SSC5D: variants seen among roughly 807,000 people sequenced by gnomAD.
The protein encoded by SSC5D is scavenger receptor cysteine rich family member with 5 domains.
SSC5D carries 106 observed loss-of-function variants against 104.6 expected under a neutral mutation model. That is an observed-to-expected ratio of 1.01 (90% CI 0.87 to 1.19). SSC5D has a LOEUF of 1.19. Among genes scored for constraint, SSC5D ranks in the 50% most tolerant of loss-of-function variants. SSC5D has a pLI of 0.00. For missense variants in SSC5D, 1,993 were observed against 2,153.8 expected, an observed-to-expected ratio of 0.93 and a Z score of 1.48; for synonymous variants, 860 against 883.5, an observed-to-expected ratio of 0.97 and a Z score of 0.47.
At position 55,518,359 on chromosome 19, in the gene SSC5D, T is replaced by A. The variant is rs771017676; in HGVS notation, c.4083T>A (p.Ser1361Arg). 8.4e-6 allele frequency: 13 copies of A among 1,550,562 alleles called. No individual in the cohort carries two copies. The South Asian group carries it at 1.5e-4, about 18-fold the overall frequency. Reference sequence around the variant, plus strand: ...CTCTAGCACCAACAGTCAAGCCCAGTCTGCACCCCCAGTTGACCTTCACAG... The same window carrying A: ...CTCTAGCACCAACAGTCAAGCCCAGACTGCACCCCCAGTTGACCTTCACAG... ...SPTLAPTVKP[S>R]LHPQLTFTAP... The change falls in exon 14 of 14, where the codon AGT (serine) becomes AGA (arginine). Residue 1361 changes from serine (S) to arginine (R), a missense_variant. Transcript: ENST00000389623.
intron 12 of SSC5D, among the ~76,000 whole-genome samples, chr19:55,510,717 T>A (rs1004145549): frequency 6.6e-6 from 1 of 152,038 alleles, no homozygotes; most frequent in African/African-American, 2.4e-5. Context: ...TTTTCTTTTT[T>A]AATTAATAGT....
intron 13 of SSC5D, 90 bp from the exon 14 acceptor site, chr19:55,517,132 CAT>C: frequency 8.3e-7 from 1 of 1,212,074 alleles, no homozygotes; most frequent in Non-Finnish European, 1.1e-6. Flanking sequence ...TGTGCCTTTC[CAT>C]TGGTCGGCTC....
rs1253362972 is a variant in SSC5D at position 55,498,093 on chromosome 19, A to G, written c.1601A>G (p.Asp534Gly). ...GWGAGPIWLD[D>G]VGCVGTEASL... ...GGTGCGGGCCCCATCTGGCTAGATG[A>G]TGTGGGCTGTGTGGGGACCGAGGCT... Residue 534 changes from aspartate (D) to glycine (G), a missense_variant, in exon 9 of 14, where the codon GAT (aspartate) becomes GGT (glycine). This residue lies in a region of SSC5D where 1,101 missense variants were observed against 1,085.0 expected (regional missense o/e 1.01). Coordinates refer to ENST00000389623, the MANE Select transcript of SSC5D (RefSeq NM_001144950.2). The G allele has an allele frequency of 6.4e-7, 1 of 1,551,464 alleles. No individual in the cohort carries two copies. Among genetic ancestry groups the G allele is most frequent in the East Asian group, 2.4e-5 (1 of 40,922 alleles).
intron 6 of SSC5D, chr19:55,492,336 A>G (rs555383779): frequency 6.6e-6 from 1 of 152,318 alleles, no homozygotes; most frequent in South Asian, 2.1e-4. Context: ...AGCAGCAGAG[A>G]AGGCTTGTAT....
In SSC5D at chr19:55,497,881, G is replaced by T; in HGVS notation, c.1389G>T (p.Gly463=). The T allele has an allele frequency of 6.5e-7, 1 of 1,531,072 alleles. No homozygotes were observed. The highest frequency in any genetic ancestry group is 1.2e-5 in the South Asian group (1 of 82,454). The allele number at this position is 1,531,072 out of a possible 1,614,324, so 94.8% of individuals were successfully genotyped here. The stretch of plus-strand genomic sequence containing the variant: ...TTCTTTGGGTCTCTTCTACCCCAGG[G>T]TCCCCCCAGCTGCGCCTGGTGGCTG... ...TVLWEPGPEA[G]SPQLRLVAGP... Residue 463 remains glycine (G), a splice_region_variant and synonymous_variant, in exon 9 of 14, where the codon GGG becomes GGT. Coordinates refer to ENST00000389623, the MANE Select transcript of SSC5D (RefSeq NM_001144950.2).
At position 55,519,040 on chromosome 19, in the gene SSC5D, A is replaced by AAAAAAC. The variant is rs964671457; in HGVS notation, c.*54_*59dup. Reference sequence around the variant, plus strand: ...AGGGGCTTAAGACACCCCCAACCAAAAAAAACAAAAACAAAAAAAACCCCC... The same window carrying AAAAAAC: ...AGGGGCTTAAGACACCCCCAACCAAAAAAAACAAAAACAAAAACAAAAAAAACCCCC... On this transcript the variant is annotated 3_prime_UTR_variant, in exon 14 of 14. Transcript: ENST00000389623. 3 of 1,512,048 alleles carry AAAAAAC rather than the reference A, an allele frequency of 2.0e-6. No homozygotes were observed. Among genetic ancestry groups the AAAAAAC allele is most frequent in the African/African-American group, 1.4e-5 (1 of 70,416 alleles). The allele number at this position is 1,512,048 out of a possible 1,614,324, so 93.7% of individuals were successfully genotyped here.
intron 7 of SSC5D, among the ~76,000 whole-genome samples, chr19:55,494,164 T>C (rs1428288387): frequency 6.6e-6 from 1 of 151,836 alleles, no homozygotes; most frequent in Non-Finnish European, 1.5e-5. Context: ...GGGGTGGGGG[T>C]GCTCCTGGCA....
Position 55,518,312 on chromosome 19 carries a change from G to C in SSC5D, c.4036G>C (p.Gly1346Arg). Residue 1346 changes from glycine (G) to arginine (R), a missense_variant, in exon 14 of 14, where the codon GGG becomes CGG. Physicochemically the swap from Gly to Arg is moderately radical, Grantham distance 125 (BLOSUM62 -2). Coordinates refer to ENST00000389623, the MANE Select transcript of SSC5D (RefSeq NM_001144950.2). ...ITTVSLPTSL[G>R]TELSSPTLAP... ...TACTGTGTCCCTTCCAACCTCCTTG[G>C]GGACAGAACTCTCCTCTCCCACTCT... 1 of 1,530,534 alleles carries C rather than the reference G, an allele frequency of 6.5e-7. No homozygotes were observed. The highest frequency in any genetic ancestry group is 2.1e-5 in the Admixed American group (1 of 48,640). 94.8% of individuals were successfully genotyped at this position (1,530,534 alleles called of 1,614,324 possible).
chr19:55,510,116 GC>G (rs988058947), intron 12 of SSC5D, among the ~76,000 whole-genome samples: 1 of 151,826 alleles, frequency 6.6e-6, no homozygotes, highest in Admixed American at 6.6e-5. Flanking sequence ...TCATGCCTCA[GC>G]CCCCCAGTTA....
rs1001852962 is a variant in SSC5D, at chr19:55,503,319, G to A, written c.2785+2118G>A. ...ACCTGCTTCTCACTCGATTTTTCAC[G>A]GTCGGTTTTGCTATATCACCTCATA... On this transcript the variant is annotated intron_variant, in intron 12 of 13. Coordinates refer to ENST00000389623, the MANE Select transcript of SSC5D (RefSeq NM_001144950.2). The surrounding 1 kb of genome is among the most constrained non-coding windows in gnomAD (Gnocchi z 4.0). Among the ~76,000 whole-genome samples, 5 of 152,022 alleles carry A rather than the reference G, an allele frequency of 3.3e-5. No homozygotes were observed. Among genetic ancestry groups the A allele is most frequent in the Admixed American group, 6.6e-5 (1 of 15,242 alleles).
At chr19:55,510,102 A>T (rs926301257) in intron 12 of SSC5D, among the ~76,000 whole-genome samples, 1 of 151,764 alleles carries the variant, frequency 6.6e-6, no homozygotes, top group Non-Finnish European at 1.5e-5. Flanking sequence ...GGCTCAAGTG[A>T]TTCTCATGCC....
intron 12 of SSC5D, among the ~76,000 whole-genome samples, chr19:55,505,305 C>T (rs559022974): frequency 1.3e-5 from 2 of 151,736 alleles, no homozygotes; most frequent in Non-Finnish European, 1.5e-5. Context: ...ATCAGCAGGC[C>T]ACAAGGAGAA....
In SSC5D at chr19:55,493,813, C is replaced by T. The variant is rs8105891; in HGVS notation, c.1114C>T (p.Arg372Trp). The part of the protein sequence containing the change: ...GSGPIILDDL[R>W]CRGNETALRF... ...TGGACCCATCATCCTGGACGACCTT[C>T]GGTGTCGGGGAAACGAGACGGCCTT... is the stretch of plus-strand genomic sequence containing the variant. Residue 372 changes from arginine (R) to tryptophan (W), a missense_variant, in exon 7 of 14, where the codon CGG (arginine) becomes TGG (tryptophan). Physicochemically the swap from Arg to Trp is moderately radical, Grantham distance 101. Transcript: ENST00000389623. 1.2e-5 allele frequency: 19 copies of T among 1,549,146 alleles called. No individual in the cohort carries two copies. Among genetic ancestry groups the T allele is most frequent in the South Asian group, 9.5e-5 (8 of 84,046 alleles).
intron 6 of SSC5D, chr19:55,492,281 CGG>C: frequency 6.6e-6 from 1 of 152,130 alleles, no homozygotes; most frequent in East Asian, 1.9e-4. Context: ...ACTGCACAGT[CGG>C]CCATAGGGAC....
In SSC5D at chr19:55,490,939, A is replaced by G; in HGVS notation, c.754A>G (p.Arg252Gly). 6.5e-7 allele frequency: 1 copy of G among 1,544,664 alleles called. No individual in the cohort carries two copies. The highest frequency in any genetic ancestry group is 8.7e-7 in the Non-Finnish European group (1 of 1,143,826). ...GGALAAPGGARFGPGAGPVWM... is the reference protein window; with the variant it reads ...GGALAAPGGAGFGPGAGPVWM... ...GGCGCTGGCTGCCCCCGGCGGTGCCAGATTCGGGCCTGGTGCAGGGCCCGT... is the reference window on the plus strand; with the variant it reads ...GGCGCTGGCTGCCCCCGGCGGTGCCGGATTCGGGCCTGGTGCAGGGCCCGT... Residue 252 changes from arginine to glycine, a missense_variant, in exon 6 of 14, where the codon AGA (arginine) becomes GGA (glycine). By Grantham distance (125) the Arg-to-Gly change is moderately radical. Around this residue, in one of 6 missense-constraint regions of SSC5D, gnomAD observed 1,101 missense variants for 1,085.0 expected, o/e 1.01. Transcript: ENST00000389623.
At chr19:55,498,643 A>C (rs1167766266) in intron 9 of SSC5D, among the ~76,000 whole-genome samples, 1 of 152,242 alleles carries the variant, frequency 6.6e-6, no homozygotes, top group Non-Finnish European at 1.5e-5. Context: ...TAAATTGCAG[A>C]GGCTGAGCCA....
chr19:55,489,307 C>T, intron 2 of SSC5D, 47 bp from the exon 3 acceptor site: 1 of 1,418,454 alleles, frequency 7.0e-7, no homozygotes, highest in Non-Finnish European at 9.2e-7. Context: ...GGCCTTGGGG[C>T]CCCCAGGATG....
chr19:55,518,569 C>G lies in SSC5D; in HGVS notation c.4293C>G (p.Ala1431=). The change falls in exon 14 of 14, where the codon GCC becomes GCG. Residue 1431 remains alanine, a synonymous_variant. Coordinates refer to ENST00000389623, the MANE Select transcript of SSC5D (RefSeq NM_001144950.2). Reference sequence around the variant, plus strand: ...CACCCACCCATACCCCACACTCAGCCTCTGACCTTACTGTGTCCCCTGACC... The same window carrying G: ...CACCCACCCATACCCCACACTCAGCGTCTGACCTTACTGTGTCCCCTGACC... The part of the protein sequence containing the change: ...TPPPTHTPHS[A]SDLTVSPDPL... 6.5e-7 allele frequency: 1 copy of G among 1,546,426 alleles called. No homozygotes were observed. The highest frequency in any genetic ancestry group is 8.7e-7 in the Non-Finnish European group (1 of 1,144,462).
chr19:55,498,198 G>T lies in SSC5D; in HGVS notation c.1705+1G>T. On this transcript the variant is annotated splice_donor_variant, in intron 9 of 13. Transcript: ENST00000389623. LOFTEE classifies it high-confidence loss of function. ...GAGGATGTTGGGGTCACCTGCACTG[G>T]TAAGGAGGCCCTAGCTATCTGTTGA... The T allele has an allele frequency of 6.4e-7, 1 of 1,551,712 alleles. No individual in the cohort carries two copies. The highest frequency in any genetic ancestry group is 1.4e-5 in the African/African-American group (1 of 73,164).
Sources: gnomAD v4.1 joint callset for allele counts (sites outside exome capture counted in the v4.1 genomes callset) on GRCh38, gnomAD v4.1.1 for gene constraint, gnomAD v4.1.1 regional missense constraint, Gnocchi (gnomAD v3.1) non-coding constraint, MANE v1.5 for transcripts, NCBI Gene and HGNC (gene_info 2026-07-23, HGNC 2026-07-21) for gene names.